Variants in COL9A1 observed in about 807,000 individuals in gnomAD.
The protein encoded by COL9A1 is collagen alpha-1(IX) chain.
COL9A1 carries 104 observed loss-of-function variants against 142.6 expected under a neutral mutation model. The ratio of observed to expected loss-of-function variants is 0.73; its 90% CI spans 0.62 to 0.86. COL9A1 has a LOEUF of 0.86. COL9A1 is among the 40% of genes least tolerant of loss of function. The pLI is 0.00. For synonymous variants in COL9A1, 466 were observed against 396.0 expected, an observed-to-expected ratio of 1.18 and a Z score of -2.10; for missense variants, 1,210 against 1,176.6, an observed-to-expected ratio of 1.03 and a Z score of -0.42.
rs1057523934 is a variant in COL9A1 at position 70,242,683 on chromosome 6, G to A, written c.1905C>T (p.Ser635=). The A allele has an allele frequency of 6.2e-6, 10 of 1,613,948 alleles. No homozygotes were observed. The highest frequency in any genetic ancestry group is 8.5e-6 in the Non-Finnish European group (10 of 1,179,978). The change falls in exon 29 of 38, where the codon TCC becomes TCT. Residue 635 remains serine (S), a synonymous_variant. Transcript: ENST00000357250. ...TTACCAGTTTACCTGGTAGGCCTGG[G>A]GATCCCACTGGTCCTAATTCTCCTC... ...GSRGELGPVG[S]PGLPGKLGSL...
At position 70,232,563 on chromosome 6, in the gene COL9A1, A is replaced by C. The variant is rs752717596; in HGVS notation, c.2503+20T>G. The C allele has an allele frequency of 6.2e-7, 1 of 1,612,984 alleles. No individual in the cohort carries two copies. Among genetic ancestry groups the C allele is most frequent in the Admixed American group, 1.7e-5 (1 of 60,024 alleles). ...GAAAAAGGTTGTGTTCTTTGGTTCC[A>C]CATGGGCAAGATGACTTACCTTTAG... On this transcript the variant is annotated intron_variant, in intron 36 of 37. Coordinates refer to ENST00000357250, the MANE Select transcript of COL9A1 (RefSeq NM_001851.6).
intron 37 of COL9A1, among the ~76,000 whole-genome samples, chr6:70,219,773 A>G (rs1768754277): frequency 6.6e-6 from 1 of 152,240 alleles, no homozygotes; most frequent in Non-Finnish European, 1.5e-5. Flanking sequence ...CAGGAAGCTG[A>G]GTCTTTAAAT....
At chr6:70,223,677 G>A (rs1196214897) in intron 37 of COL9A1, among the ~76,000 whole-genome samples, 6 of 152,378 alleles carry the variant, frequency 3.9e-5, no homozygotes, top group South Asian at 2.1e-4. Flanking sequence ...CGAGGACACC[G>A]CGCCAAAGCG....
intron 5 of COL9A1, among the ~76,000 whole-genome samples, chr6:70,289,170 A>G (rs569577528): frequency 3.3e-5 from 5 of 152,244 alleles, no homozygotes; most frequent in African/African-American, 4.8e-5. Flanking sequence ...CTGAAAGCCC[A>G]TGATTCTACT....
Position 70,234,522 on chromosome 6 carries a change from C to A in COL9A1, c.2314+17G>T. The A allele has an allele frequency of 6.2e-7, 1 of 1,613,318 alleles. No individual in the cohort carries two copies. Among genetic ancestry groups the A allele is most frequent in the African/African-American group, 1.3e-5 (1 of 74,962 alleles). On this transcript the variant is annotated intron_variant, in intron 35 of 37. Transcript: ENST00000357250. ...GAGTTGATGGTGGAAAAAGTCAAACCATTGTGATTTATTTACCTTGTATGA... is the reference window on the plus strand; with the variant it reads ...GAGTTGATGGTGGAAAAAGTCAAACAATTGTGATTTATTTACCTTGTATGA...
intron 10 of COL9A1, chr6:70,280,048 A>C (rs1340016406): frequency 4.3e-6 from 3 of 694,204 alleles, no homozygotes; most frequent in African/African-American, 3.6e-5. Flanking sequence ...GTTAGAATGC[A>C]TGGAAAGAGG....
intron 36 of COL9A1, among the ~76,000 whole-genome samples, chr6:70,227,327 A>G (rs976648720): frequency 6.6e-6 from 1 of 151,388 alleles, no homozygotes; most frequent in Admixed American, 6.6e-5. Context: ...TGACCAAAAT[A>G]CATGAGCAGG....
At chr6:70,270,535 C>G (rs1485940801) in intron 14 of COL9A1, among the ~76,000 whole-genome samples, 168 bp from the exon 15 acceptor site, 1 of 152,008 alleles carries the variant, frequency 6.6e-6, no homozygotes, top group African/African-American at 2.4e-5. Context: ...ATTAGTTCTA[C>G]AAAATGAGAG....
intron 18 of COL9A1, 139 bp downstream of exon 18, chr6:70,266,578 T>C (rs1447722345): frequency 2.6e-6 from 2 of 770,894 alleles, no homozygotes; most frequent in African/African-American, 3.4e-5. Flanking sequence ...TGCATCTGCT[T>C]AGAACTTATC....
At chr6:70,268,693 T>C (rs1177130075) in intron 17 of COL9A1, 111 bp downstream of exon 17, 1 of 923,468 alleles carries the variant, frequency 1.1e-6, no homozygotes, top group Non-Finnish European at 1.7e-6. Flanking sequence ...TAAGCACTAC[T>C]TGCCTGATCA....
At chr6:70,240,629 TAC>T in intron 32 of COL9A1, 58 bp downstream of exon 32, 1 of 1,180,722 alleles carries the variant, frequency 8.5e-7, no homozygotes, top group South Asian at 1.2e-5. Flanking sequence ...TATATATATA[TAC>T]TTCTAACAGT....
chr6:70,302,132 T>C (rs993692656), intron 1 of COL9A1, 58 bp from the exon 2 acceptor site: 1 of 1,083,762 alleles, frequency 9.2e-7, no homozygotes, highest in Non-Finnish European at 1.4e-6. Context: ...GGAAAACACT[T>C]CCATATTTTC....
At chr6:70,220,092 C>A (rs1225931309) in intron 37 of COL9A1, among the ~76,000 whole-genome samples, 10 of 152,152 alleles carry the variant, frequency 6.6e-5, no homozygotes, top group Admixed American at 6.5e-4. Flanking sequence ...TCATCCAGTT[C>A]TGCCTTTGGC....
rs752385858 is a variant in COL9A1, at chr6:70,234,577, T to A, written c.2276A>T (p.Asp759Val). Residue 759 changes from aspartate to valine, a missense_variant, in exon 35 of 38, where the codon GAT (aspartate) becomes GTT (valine). Asp to Val is a radical substitution (Grantham distance 152). Coordinates refer to ENST00000357250, the MANE Select transcript of COL9A1 (RefSeq NM_001851.6). ...VQGPPGRAPT[D>V]QHIKQVCMRV... ...CATGCAAACCTGCTTAATGTGCTGA[T>A]CTGTCGGTGCTCTACCCTGGGACAG... is the stretch of plus-strand genomic sequence containing the variant. The A allele has an allele frequency of 5.0e-6, 8 of 1,614,126 alleles. No individual in the cohort carries two copies. In the East Asian group the frequency reaches 1.8e-4, roughly 36 times the overall value.
chr6:70,268,805 C>T lies in COL9A1; in HGVS notation c.1286G>A (p.Arg429Lys). Residue 429 changes from arginine to lysine, a missense_variant and splice_region_variant, in exon 17 of 38, where the codon AGG becomes AAG. Coordinates refer to ENST00000357250, the MANE Select transcript of COL9A1 (RefSeq NM_001851.6). ...RSGYPGLPGM[R>K]GHKGAKGEIG... ...AAATACTGGAAGTTATTCTCTTACC[C>T]TCATGCCTGGTAGGCCTGGATATCC... is the stretch of plus-strand genomic sequence containing the variant. 3 of 1,613,252 alleles carry T rather than the reference C, an allele frequency of 1.9e-6. No individual in the cohort carries two copies. Among genetic ancestry groups the T allele is most frequent in the Non-Finnish European group, 2.5e-6 (3 of 1,179,296 alleles).
chr6:70,255,086 A>G, intron 23 of COL9A1, 64 bp downstream of exon 23: 2 of 1,613,022 alleles, frequency 1.2e-6, no homozygotes, highest in African/African-American at 1.3e-5. Context: ...ATTATTTTCT[A>G]AAGTTTCATT....
At chr6:70,286,161 A>T (rs1773443487) in intron 5 of COL9A1, among the ~76,000 whole-genome samples, 1 of 151,888 alleles carries the variant, frequency 6.6e-6, no homozygotes, top group East Asian at 1.9e-4. Context: ...TTCTGGGATT[A>T]TAAGGTGTGA....
chr6:70,278,837 G>C (rs1772929540), intron 10 of COL9A1, among the ~76,000 whole-genome samples: 1 of 152,194 alleles, frequency 6.6e-6, no homozygotes, highest in South Asian at 2.1e-4. Flanking sequence ...GTTTCTGTTA[G>C]AGTGGGGAAA....
chr6:70,272,493 A>G (rs1170526671), intron 12 of COL9A1, among the ~76,000 whole-genome samples: 1 of 152,138 alleles, frequency 6.6e-6, no homozygotes, highest in Non-Finnish European at 1.5e-5. Flanking sequence ...TTTACAATCT[A>G]TAATAAATTA....
Sources: allele counts gnomAD v4.1 joint callset (sites outside exome capture counted in the v4.1 genomes callset), GRCh38; gene constraint gnomAD v4.1.1; transcripts MANE v1.5; gene names NCBI Gene and HGNC (gene_info 2026-07-23, HGNC 2026-07-21).